The following ZNF222 variants were observed in gnomAD, a reference collection of about 807,000 sequenced individuals.
ZNF222 encodes the protein zinc finger protein 222.
In ZNF222, 8 loss-of-function variants were observed where a neutral mutation model predicts 11.6. That is an observed-to-expected ratio of 0.69 (90% CI 0.41 to 1.25). The LOEUF is 1.25. ZNF222 is among the 50% of genes most tolerant of loss of function. The pLI is 0.01. For synonymous variants in ZNF222, 171 were observed against 195.6 expected, an observed-to-expected ratio of 0.87 and a Z score of 1.05; for missense variants, 483 against 576.1, an observed-to-expected ratio of 0.84 and a Z score of 1.65.
In ZNF222 at chr19:44,025,643, G is replaced by C. The variant is rs978678567; in HGVS notation, c.42+165G>C. Among the ~76,000 whole-genome samples, 4 of 152,186 alleles carry C rather than the reference G, an allele frequency of 2.6e-5. No homozygotes were observed. The South Asian group carries it at 8.3e-4, about 32-fold the overall frequency. ...CTCCCTACGTGTGCAGCCCCTTTCA[G>C]TGTGGTGTGGAGTGTCACTTAATGT... On this transcript the variant is annotated intron_variant, in intron 1 of 3. Coordinates refer to ENST00000391960, the MANE Select transcript of ZNF222 (RefSeq NM_001129996.2). This position sits in a 1 kb window ranked among gnomAD's most constrained non-coding sequence, Gnocchi z 4.6.
At chr19:44,031,682 C>T (rs1976502591) in intron 3 of ZNF222, 135 bp from the exon 4 acceptor site, 2 of 931,478 alleles carry the variant, frequency 2.1e-6, no homozygotes, top group Non-Finnish European at 3.3e-6. Flanking sequence ...AGGGCATCAC[C>T]ATGTTGGCCA....
rs141619214 is a variant in ZNF222, at chr19:44,025,902, C to G, written c.42+424C>G. The G allele has an allele frequency of 8.3e-4, 802 of 965,520 alleles. 5 individuals carry two copies. The African/African-American group carries it at 0.011, about 13-fold the overall frequency. 59.8% of individuals were successfully genotyped at this position (965,520 alleles called of 1,614,324 possible). On this transcript the variant is annotated intron_variant, in intron 1 of 3. Coordinates refer to ENST00000391960, the MANE Select transcript of ZNF222 (RefSeq NM_001129996.2). This position sits in a 1 kb window ranked among gnomAD's most constrained non-coding sequence, Gnocchi z 4.6. ...GGGGCGCCGGCCCTTCTGCCTGATC[C>G]CTGCAGGACGCTGGATGATCCCTGA...
At chr19:44,030,656 T>C (rs1976484176) in intron 3 of ZNF222, among the ~76,000 whole-genome samples, 1 of 152,232 alleles carries the variant, frequency 6.6e-6, no homozygotes, top group South Asian at 2.1e-4. Flanking sequence ...TGGGGTATGT[T>C]ACATTGTCAG....
At position 44,032,775 on chromosome 19, in the gene ZNF222, A is replaced by C. The variant is rs1195665413; in HGVS notation, c.1221A>C (p.Arg407Ser). 1 of 1,614,006 alleles carries C rather than the reference A, an allele frequency of 6.2e-7. No homozygotes were observed. The highest frequency in any genetic ancestry group is 1.7e-5 in the Admixed American group (1 of 60,002). Residue 407 changes from arginine (R) to serine (S), a missense_variant, in exon 4 of 4, where the codon AGA becomes AGC. Physicochemically the swap from Arg to Ser is moderately radical, Grantham distance 110. Coordinates refer to ENST00000391960, the MANE Select transcript of ZNF222 (RefSeq NM_001129996.2). The stretch of plus-strand genomic sequence containing the variant: ...ACCATAGAACCCACACGGGAGAGAG[A>C]TCTTATAACTGTGATAACTGCGGGA... ...DFHHRTHTGE[R>S]SYNCDNCGKS...
At chr19:44,026,728 C>G (rs1311195719) in intron 1 of ZNF222, among the ~76,000 whole-genome samples, 1 of 152,046 alleles carries the variant, frequency 6.6e-6, no homozygotes. Flanking sequence ...CACTCTAACT[C>G]TGCAGCAAGC....
chr19:44,026,959 A>G (rs1976386885), intron 1 of ZNF222, 64 bp from the exon 2 acceptor site: 3 of 1,605,838 alleles, frequency 1.9e-6, no homozygotes, highest in South Asian at 2.2e-5. Context: ...GTGCCAGTGC[A>G]ATGCTGCTGT....
At position 44,032,402 on chromosome 19, in the gene ZNF222, A is replaced by G; in HGVS notation, c.848A>G (p.Gln283Arg). ...GGGAAGGCTTTCATGCACAATTTCCAGCTTCAGAAACATCACAGAATTCAT... is the reference window on the plus strand; with the variant it reads ...GGGAAGGCTTTCATGCACAATTTCCGGCTTCAGAAACATCACAGAATTCAT... ...KCGKAFMHNF[Q>R]LQKHHRIHTG... The change falls in exon 4 of 4, where the codon CAG (glutamine) becomes CGG (arginine). Residue 283 changes from glutamine (Q) to arginine (R), a missense_variant. Gln to Arg is a conservative substitution (Grantham distance 43). Transcript: ENST00000391960. The G allele has an allele frequency of 6.2e-7, 1 of 1,614,224 alleles. No individual in the cohort carries two copies. Among genetic ancestry groups the G allele is most frequent in the Non-Finnish European group, 8.5e-7 (1 of 1,180,038 alleles).
chr19:44,032,631 G>A lies in ZNF222; in HGVS notation c.1077G>A (p.Gly359=). Residue 359 remains glycine, a synonymous_variant, in exon 4 of 4, where the codon GGG becomes GGA. Transcript: ENST00000391960. The part of the protein sequence containing the change: ...GQKPYNCKEC[G]KSFKWSSYLL... ...AACCATATAATTGTAAAGAATGTGG[G>A]AAGAGCTTCAAATGGTCCTCATATC... The A allele has an allele frequency of 6.2e-7, 1 of 1,613,984 alleles. No individual in the cohort carries two copies. The highest frequency in any genetic ancestry group is 1.7e-4 in the Middle Eastern group (1 of 6,060).
intron 3 of ZNF222, among the ~76,000 whole-genome samples, chr19:44,031,381 C>G (rs1326217818): frequency 1.3e-5 from 2 of 152,194 alleles, no homozygotes; most frequent in Non-Finnish European, 2.9e-5. Flanking sequence ...AAAGTTAAAT[C>G]CCACATCCTA....
chr19:44,027,043 T>G lies in ZNF222; in HGVS notation c.63T>G (p.Asp21Glu). 1 of 1,614,102 alleles carries G rather than the reference T, an allele frequency of 6.2e-7. No individual in the cohort carries two copies. Among genetic ancestry groups the G allele is most frequent in the Non-Finnish European group, 8.5e-7 (1 of 1,180,002 alleles). The change falls in exon 2 of 4, where the codon GAT (aspartate) becomes GAG (glutamate). Residue 21 changes from aspartate to glutamate, a missense_variant. Asp to Glu is a conservative substitution (Grantham distance 45). Coordinates refer to ENST00000391960, the MANE Select transcript of ZNF222 (RefSeq NM_001129996.2). ...RRAEEAVTFKDVAVIFTEEEL... is the reference protein window; with the variant it reads ...RRAEEAVTFKEVAVIFTEEEL... ...TGTAGGAGGCAGTGACCTTCAAGGA[T>G]GTGGCTGTGATCTTCACTGAGGAGG...
At chr19:44,028,772 A>C (rs1262357266) in intron 3 of ZNF222, among the ~76,000 whole-genome samples, 2 of 152,224 alleles carry the variant, frequency 1.3e-5, no homozygotes, top group Non-Finnish European at 2.9e-5. Context: ...ACTGTCTGTA[A>C]GAATCATGGA....
intron 3 of ZNF222, chr19:44,028,302 T>C: frequency 2.5e-6 from 1 of 398,702 alleles, no homozygotes. Context: ...ATCTGTAGCT[T>C]TAATCTCCCT....
rs752974530 is a variant in ZNF222, at chr19:44,027,040, G to A, written c.60G>A (p.Lys20=). 1.2e-6 allele frequency: 2 copies of A among 1,613,952 alleles called. No individual in the cohort carries two copies. The highest frequency in any genetic ancestry group is 2.7e-5 in the African/African-American group (2 of 74,902). ...GRRAEEAVTF[K]DVAVIFTEEE... The stretch of plus-strand genomic sequence containing the variant: ...TGTTGTAGGAGGCAGTGACCTTCAA[G>A]GATGTGGCTGTGATCTTCACTGAGG... Residue 20 remains lysine, a synonymous_variant, in exon 2 of 4, where the codon AAG becomes AAA. Transcript: ENST00000391960.
intron 1 of ZNF222, among the ~76,000 whole-genome samples, chr19:44,026,556 A>ATTTTTTTTT (rs200711054): frequency 8.8e-5 from 9 of 101,846 alleles, no homozygotes; most frequent in African/African-American, 3.1e-4. Context: ...ATATATATAT[A>ATTTTTTTTT]TTTTTTTTTT....
chr19:44,032,966 G>A lies in ZNF222; in HGVS notation c.1412G>A (p.Gly471Glu), dbSNP rs757002217. The change falls in exon 4 of 4, where the codon GGG (glycine) becomes GAG (glutamate). Residue 471 changes from glycine to glutamate, a missense_variant. Physicochemically the swap from Gly to Glu is moderately conservative, Grantham distance 98. Coordinates refer to ENST00000391960, the MANE Select transcript of ZNF222 (RefSeq NM_001129996.2). ...AACCCATCCAAATGTGAGGACTGTGGGAAGCGCTACAAGAGGCGCTTGAAT... is the reference window on the plus strand; with the variant it reads ...AACCCATCCAAATGTGAGGACTGTGAGAAGCGCTACAAGAGGCGCTTGAAT... ...GENPSKCEDC[G>E]KRYKRRLNLD... 6 of 1,586,406 alleles carry A rather than the reference G, an allele frequency of 3.8e-6. No individual in the cohort carries two copies. In the East Asian group the frequency reaches 1.1e-4, roughly 30 times the overall value.
At chr19:44,029,003 G>A (rs548498092) in intron 3 of ZNF222, among the ~76,000 whole-genome samples, 3 of 152,062 alleles carry the variant, frequency 2.0e-5, no homozygotes, top group South Asian at 2.1e-4. Flanking sequence ...CCTACCCATC[G>A]CTTTATTCAC....
rs201957187 is a variant in ZNF222 at position 44,027,138 on chromosome 19, T to C, written c.158T>C (p.Leu53Pro). ...GTGATGCTTGAGAACTTCAGGAACC[T>C]GCTCTCAGTGGGTGAGGACGGGCAC... ...RDVMLENFRN[L>P]LSVGHQPFHG... is the part of the protein sequence containing the mutation. The change falls in exon 2 of 4, where the codon CTG becomes CCG. Residue 53 changes from leucine to proline, a missense_variant. By Grantham distance (98) the Leu-to-Pro change is moderately conservative. Coordinates refer to ENST00000391960, the MANE Select transcript of ZNF222 (RefSeq NM_001129996.2). 122 of 1,614,030 alleles carry C rather than the reference T, an allele frequency of 7.6e-5. No homozygotes were observed. The Admixed American group carries it at 2.0e-3, about 26-fold the overall frequency.
rs763299788 is a variant in ZNF222, at chr19:44,032,500, T to C, written c.946T>C (p.Cys316Arg). Residue 316 changes from cysteine (C) to arginine (R), a missense_variant, in exon 4 of 4, where the codon TGC (cysteine) becomes CGC (arginine). Transcript: ENST00000391960. ...TCTTAGGTCAAGTCTTAATAGGCAT[T>C]GCATGGTCCACACAGCAGAGAAACT... is the stretch of plus-strand genomic sequence containing the variant. ...FCLRSSLNRH[C>R]MVHTAEKLYK... 4 of 1,614,064 alleles carry C rather than the reference T, an allele frequency of 2.5e-6. No individual in the cohort carries two copies. The highest frequency in any genetic ancestry group is 1.6e-4 in the Middle Eastern group (1 of 6,084).
chr19:44,025,505 C>A lies in ZNF222; in HGVS notation c.42+27C>A, dbSNP rs1976336206. 1.3e-6 allele frequency: 2 copies of A among 1,539,250 alleles called. No individual in the cohort carries two copies. The highest frequency in any genetic ancestry group is 8.8e-7 in the Non-Finnish European group (1 of 1,141,400). Reference sequence around the variant, plus strand: ...TTTGGAGGGGCGCGGGCGGGGATTGCCGTTCCAGTCAGCTGAGCCTTCTGG... The same window carrying A: ...TTTGGAGGGGCGCGGGCGGGGATTGACGTTCCAGTCAGCTGAGCCTTCTGG... On this transcript the variant is annotated intron_variant, in intron 1 of 3. Coordinates refer to ENST00000391960, the MANE Select transcript of ZNF222 (RefSeq NM_001129996.2). This position sits in a 1 kb window ranked among gnomAD's most constrained non-coding sequence, Gnocchi z 4.6.
Sources: gnomAD v4.1 joint callset for allele counts (sites outside exome capture counted in the v4.1 genomes callset) on GRCh38, gnomAD v4.1.1 for gene constraint, Gnocchi (gnomAD v3.1) non-coding constraint, MANE v1.5 for transcripts, NCBI Gene and HGNC (gene_info 2026-07-23, HGNC 2026-07-21) for gene names.